CD302: variants seen among roughly 807,000 people sequenced by gnomAD.
CD302 encodes the protein CD302 molecule, also known as CD302 antigen.
A neutral mutation model predicts 26.5 loss-of-function variants in CD302; 23 were observed. The observed-to-expected ratio is 0.87, with a 90% CI of 0.62 to 1.23. The LOEUF is 1.23. Ranked by LOEUF, CD302 falls within the 50% of genes most tolerant of loss-of-function variation. CD302 has a pLI of 0.00. For missense variants in CD302, 290 were observed against 275.5 expected (o/e 1.05, Z -0.37); for synonymous variants, 90 against 99.4 (o/e 0.91, Z 0.56).
Position 159,770,184 on chromosome 2 carries a change from A to G in CD302, c.*1667T>C, listed in dbSNP as rs1708090581. 6.6e-6 allele frequency: 1 copy of G among 152,182 alleles called. No individual in the cohort carries two copies. Among genetic ancestry groups the G allele is most frequent in the Admixed American group, 6.5e-5 (1 of 15,282 alleles). 9.4% of individuals were successfully genotyped at this position (152,182 alleles called of 1,614,324 possible). On this transcript the variant is annotated 3_prime_UTR_variant, in exon 6 of 6. Coordinates refer to ENST00000259053, the MANE Select transcript of CD302 (RefSeq NM_014880.5). ...GTGGTACAATTTGGGTAGGAAAACC[A>G]GGCAGGAATTCCAGGGTAGTGTTCA... is the stretch of plus-strand genomic sequence containing the variant.
In CD302 at chr2:159,793,960, G is replaced by T. The variant is rs1358720739; in HGVS notation, c.67+4172C>A. ...TTTTAAAGATTTGGTCTCAAGATTTGCTCTCAAAATCTAAAATAGGCCAGG... is the reference window on the plus strand; with the variant it reads ...TTTTAAAGATTTGGTCTCAAGATTTTCTCTCAAAATCTAAAATAGGCCAGG... On this transcript the variant is annotated intron_variant, in intron 1 of 5. Transcript: ENST00000259053. 2.6e-5 allele frequency among the ~76,000 whole-genome samples: 4 copies of T among 151,938 alleles called. 1 individual carries two copies. The East Asian group carries it at 7.7e-4, about 29-fold the overall frequency.
chr2:159,776,012 C>CTTTATTTTTTTTT (rs1708310517), intron 5 of CD302, among the ~76,000 whole-genome samples: 1 of 81,252 alleles, frequency 1.2e-5, no homozygotes, highest in Non-Finnish European at 2.3e-5. Flanking sequence ...CGGGTTTCAA[C>CTTTATTTTTTTTT]TTTTTTTTTT....
chr2:159,784,597 C>T (rs1560047361), intron 1 of CD302, among the ~76,000 whole-genome samples: 1 of 152,022 alleles, frequency 6.6e-6, no homozygotes, highest in Non-Finnish European at 1.5e-5. Flanking sequence ...CACAAGCGAT[C>T]CACCCGCCTT....
chr2:159,797,956 A>G (rs1682514187), intron 1 of CD302, among the ~76,000 whole-genome samples, 176 bp downstream of exon 1: 1 of 152,100 alleles, frequency 6.6e-6, no homozygotes, highest in African/African-American at 2.4e-5. Context: ...CAGGCGGGTG[A>G]GAGGTGACCC....
intron 3 of CD302, 147 bp from the exon 4 acceptor site, chr2:159,780,325 T>A (rs1485960669): frequency 2.2e-6 from 2 of 924,484 alleles, no homozygotes; most frequent in Admixed American, 3.1e-5. Flanking sequence ...GAGGAATATA[T>A]CCTGTGTACA....
chr2:159,782,480 C>T (rs900923272), intron 2 of CD302, among the ~76,000 whole-genome samples: 1 of 147,810 alleles, frequency 6.8e-6, no homozygotes, highest in Non-Finnish European at 1.5e-5. Context: ...CACCTGTAAT[C>T]CCAGCACCTT....
At chr2:159,778,063 T>C in intron 4 of CD302, 99 bp from the exon 5 acceptor site, 1 of 433,510 alleles carries the variant, frequency 2.3e-6, no homozygotes, top group East Asian at 8.1e-5. Context: ...ACCCTTTTAT[T>C]AGTAGCTTAA....
At position 159,769,631 on chromosome 2, in the gene CD302, GT is replaced by G. The variant is rs1236002946; in HGVS notation, c.*2219del. On this transcript the variant is annotated 3_prime_UTR_variant, in exon 6 of 6. Coordinates refer to ENST00000259053, the MANE Select transcript of CD302 (RefSeq NM_014880.5). Reference sequence around the variant, plus strand: ...ACTGCACTGTAGCCTGGGCAGCACAGTGAGACTCCATCATATATATATATAT... The same window carrying G: ...ACTGCACTGTAGCCTGGGCAGCACAGGAGACTCCATCATATATATATATAT... 8.4e-6 allele frequency: 1 copy of G among 118,472 alleles called. No individual in the cohort carries two copies. The highest frequency in any genetic ancestry group is 2.3e-4 in the East Asian group (1 of 4,434). The allele number at this position is 118,472 out of a possible 1,614,324, so 7.3% of individuals were successfully genotyped here. A position where few individuals can be genotyped will look rare whatever the true frequency, so the allele number is the denominator to read the frequency against.
At chr2:159,794,305 T>TAATAAA (rs1553795854) in intron 1 of CD302, among the ~76,000 whole-genome samples, 13 of 108,406 alleles carry the variant, frequency 1.2e-4, no homozygotes, top group Non-Finnish European at 1.7e-4. Flanking sequence ...AATAAAATAA[T>TAATAAA]AAAAAAAAAA....
At position 159,771,363 on chromosome 2, in the gene CD302, A is replaced by G. The variant is rs1201390344; in HGVS notation, c.*488T>C. 1 of 152,978 alleles carries G rather than the reference A, an allele frequency of 6.5e-6. No individual in the cohort carries two copies. The highest frequency in any genetic ancestry group is 6.5e-5 in the Admixed American group (1 of 15,386). 9.5% of individuals were successfully genotyped at this position (152,978 alleles called of 1,614,324 possible). On this transcript the variant is annotated 3_prime_UTR_variant, in exon 6 of 6. Transcript: ENST00000259053. The stretch of plus-strand genomic sequence containing the variant: ...GGTGTGGGGTGTTAAAAGTTGTAAA[A>G]TTTTCTTCATCTAAATCATAAAAAG...
intron 1 of CD302, among the ~76,000 whole-genome samples, chr2:159,786,926 C>T (rs921679528): frequency 3.3e-5 from 5 of 152,132 alleles, no homozygotes; most frequent in African/African-American, 9.7e-5. Context: ...CTAACACCAT[C>T]GATTAGTTTT....
intron 5 of CD302, among the ~76,000 whole-genome samples, chr2:159,773,222 C>T (rs1273055585): frequency 1.3e-5 from 2 of 152,182 alleles, no homozygotes; most frequent in Non-Finnish European, 2.9e-5. Context: ...CCATGTTGCC[C>T]AGGTTGGTCC....
intron 2 of CD302, 63 bp downstream of exon 2, chr2:159,783,292 TAAAG>T (rs1708570817): frequency 1.5e-6 from 2 of 1,312,542 alleles, no homozygotes; most frequent in Non-Finnish European, 2.0e-6. Flanking sequence ...AATCAATTTT[TAAAG>T]AAATTAATGA....
At chr2:159,772,093 G>A (rs1256156186) in intron 5 of CD302, 40 bp from the exon 6 acceptor site, 1 of 1,594,248 alleles carries the variant, frequency 6.3e-7, no homozygotes, top group Non-Finnish European at 8.6e-7. Context: ...GGAAATTAGG[G>A]TACACAAGTT....
chr2:159,779,461 GA>G (rs1485314274), intron 4 of CD302, among the ~76,000 whole-genome samples: 1 of 151,966 alleles, frequency 6.6e-6, no homozygotes, highest in Non-Finnish European at 1.5e-5. Flanking sequence ...TAATTCCTCT[GA>G]ACAAGAAATT....
chr2:159,781,655 C>T (rs969222739), intron 2 of CD302: 1 of 151,156 alleles, frequency 6.6e-6, no homozygotes, highest in Non-Finnish European at 1.5e-5. Flanking sequence ...AAAATAGTTG[C>T]AGGGGAAAAC....
At chr2:159,774,917 G>A (rs1301075735) in intron 5 of CD302, among the ~76,000 whole-genome samples, 1 of 152,170 alleles carries the variant, frequency 6.6e-6, no homozygotes, top group Non-Finnish European at 1.5e-5. Flanking sequence ...GTTCTCTACT[G>A]TTTTACTCCT....
intron 1 of CD302, among the ~76,000 whole-genome samples, chr2:159,792,422 C>CTGTGTG (rs3138650): frequency 0.12 from 17,455 of 144,912 alleles, 1,301 homozygotes; most frequent in Non-Finnish European, 0.17. Context: ...AGAACCAACT[C>CTGTGTG]TGTGTGTGTG....
chr2:159,796,156 T>TTTGCAACCCA (rs1708949438), intron 1 of CD302, among the ~76,000 whole-genome samples: 2 of 152,268 alleles, frequency 1.3e-5, no homozygotes, highest in Non-Finnish European at 2.9e-5. Flanking sequence ...ATACCCATAT[T>TTTGCAACCCA]TATTATGCAA....
Sources: gnomAD v4.1 joint callset for allele counts (sites outside exome capture counted in the v4.1 genomes callset) on GRCh38, gnomAD v4.1.1 for gene constraint, MANE v1.5 for transcripts, NCBI Gene and HGNC (gene_info 2026-07-23, HGNC 2026-07-21) for gene names.